Variants in ADCY1 observed in about 807,000 individuals in gnomAD.
ADCY1 encodes adenylate cyclase 1.
ADCY1 carries 28 observed loss-of-function variants against 105.4 expected under a neutral mutation model. That is an observed-to-expected ratio of 0.27 (90% CI 0.20 to 0.36). The LOEUF is 0.36. Ranked by LOEUF, ADCY1 falls within the 10% of genes least tolerant of loss-of-function variation. ADCY1 has a pLI of 1.00. For missense variants in ADCY1, 977 were observed against 1,434.2 expected (o/e 0.68, Z 5.15); for synonymous variants, 655 against 623.8 (o/e 1.05, Z -0.75).
At chr7:45,651,925 G>A (rs1794822034) in intron 5 of ADCY1, among the ~76,000 whole-genome samples, 1 of 152,190 alleles carries the variant, frequency 6.6e-6, no homozygotes, top group South Asian at 2.1e-4. Flanking sequence ...ATGTGTATTA[G>A]TCTGTTGTCA....
Position 45,686,911 on chromosome 7 carries a change from T to G in ADCY1, c.2454+238T>G, listed in dbSNP as rs1384132682. On this transcript the variant is annotated intron_variant, in intron 14 of 19. Coordinates refer to ENST00000297323, the MANE Select transcript of ADCY1 (RefSeq NM_021116.4). This position sits in a 1 kb window ranked among gnomAD's most constrained non-coding sequence, Gnocchi z 4.3. ...AGTTCAGAAGGTTGTGGGGTGCATG[T>G]TGTGGAGACCTGCCTGATGGTCAGA... Among the ~76,000 whole-genome samples, 1 of 152,116 alleles carries G rather than the reference T, an allele frequency of 6.6e-6. No homozygotes were observed. The highest frequency in any genetic ancestry group is 2.4e-5 in the African/African-American group (1 of 41,436).
chr7:45,608,195 A>C (rs568312667), intron 2 of ADCY1, among the ~76,000 whole-genome samples: 2 of 152,246 alleles, frequency 1.3e-5, no homozygotes, highest in East Asian at 3.9e-4. Flanking sequence ...TTCTCTAATG[A>C]TTAGTGATGA....
intron 7 of ADCY1, among the ~76,000 whole-genome samples, chr7:45,660,628 TC>T (rs1156724967): frequency 6.6e-6 from 1 of 152,188 alleles, no homozygotes; most frequent in Non-Finnish European, 1.5e-5. Context: ...TCAAGAGTGA[TC>T]AAGTCACTTT....
At position 45,591,612 on chromosome 7, in the gene ADCY1, G is replaced by A. The variant is rs902694770; in HGVS notation, c.640-1147G>A. ...TTCTCCAATTTTGCGAGTGACCAAG[G>A]GACACCCGTTTCATACAATACTTAC... On this transcript the variant is annotated intron_variant, in intron 1 of 19. Coordinates refer to ENST00000297323, the MANE Select transcript of ADCY1 (RefSeq NM_021116.4). This position sits in a 1 kb window ranked among gnomAD's most constrained non-coding sequence, Gnocchi z 4.1. Among the ~76,000 whole-genome samples, 2 of 152,174 alleles carry A rather than the reference G, an allele frequency of 1.3e-5. No homozygotes were observed. Among genetic ancestry groups the A allele is most frequent in the Non-Finnish European group, 2.9e-5 (2 of 68,020 alleles).
intron 12 of ADCY1, 46 bp downstream of exon 12, chr7:45,685,114 T>C (rs1360696110): frequency 6.5e-7 from 1 of 1,549,682 alleles, no homozygotes; most frequent in East Asian, 2.2e-5. Flanking sequence ...GGAGAGGGCA[T>C]GGCATGGAGG....
At position 45,703,877 on chromosome 7, in the gene ADCY1, C is replaced by A; in HGVS notation, c.2718+131C>A. On this transcript the variant is annotated intron_variant, in intron 16 of 19. Coordinates refer to ENST00000297323, the MANE Select transcript of ADCY1 (RefSeq NM_021116.4). The surrounding 1 kb of genome is among the most constrained non-coding windows in gnomAD (Gnocchi z 5.9). The stretch of plus-strand genomic sequence containing the variant: ...GAGAGAAAGCAAATCCCGGGAAGCA[C>A]AGGCATTCTGTCTCCTTTGGGATCC... 7.5e-7 allele frequency: 1 copy of A among 1,326,936 alleles called. No homozygotes were observed. Among genetic ancestry groups the A allele is most frequent in the Non-Finnish European group, 1.0e-6 (1 of 982,512 alleles). 82.2% of individuals were successfully genotyped at this position (1,326,936 alleles called of 1,614,324 possible). A position where few individuals can be genotyped will look rare whatever the true frequency, so the allele number is the denominator to read the frequency against.
chr7:45,721,595 T>G lies in ADCY1; in HGVS notation c.*7600T>G, dbSNP rs12754. On this transcript the variant is annotated 3_prime_UTR_variant, in exon 20 of 20. Transcript: ENST00000297323. ...TGAGCTATGGGAAGGCCATTGGTTG[T>G]ATTTGCTACTTTTACTTTCATCTTC... 0.19 allele frequency: 74,709 copies of G among 398,116 alleles called. 8,384 individuals are homozygous for G. The highest frequency in any genetic ancestry group is 0.38 in the African/African-American group (18,490 of 48,558). 24.7% of individuals were successfully genotyped at this position (398,116 alleles called of 1,614,324 possible).
intron 2 of ADCY1, among the ~76,000 whole-genome samples, chr7:45,607,875 T>C (rs576427476): frequency 5.3e-5 from 8 of 152,362 alleles, no homozygotes; most frequent in African/African-American, 1.7e-4. Context: ...TCATGTCTTT[T>C]ATTGTAAATA....
chr7:45,699,896 G>T (rs1001028092), intron 14 of ADCY1, among the ~76,000 whole-genome samples: 2 of 152,146 alleles, frequency 1.3e-5, no homozygotes, highest in African/African-American at 2.4e-5. Flanking sequence ...AGTGGACACC[G>T]GAGCTTCCTC....
chr7:45,702,107 T>C (rs886854775), intron 14 of ADCY1, among the ~76,000 whole-genome samples: 14 of 152,304 alleles, frequency 9.2e-5, no homozygotes, highest in Non-Finnish European at 1.8e-4. Flanking sequence ...GTCATCTCTA[T>C]CCTTAGAAAT....
At chr7:45,680,735 GT>G (rs1427714726) in intron 11 of ADCY1, 1 of 152,174 alleles carries the variant, frequency 6.6e-6, no homozygotes, top group Non-Finnish European at 1.5e-5. Flanking sequence ...TAAAACTGCT[GT>G]TTTTCATATA....
rs2293107 is a variant in ADCY1 at position 45,713,640 on chromosome 7, A to G, written c.3058-53A>G. ...GGATGGAGTGTTTTGGTCTCTTCCC[A>G]GAGGAGTCCCCCTCATTGCCCTGAA... On this transcript the variant is annotated intron_variant, in intron 19 of 19. Coordinates refer to ENST00000297323, the MANE Select transcript of ADCY1 (RefSeq NM_021116.4). 0.14 allele frequency: 106,988 copies of G among 745,346 alleles called. 8,555 individuals are homozygous for G. The highest frequency in any genetic ancestry group is 0.18 in the Middle Eastern group (743 of 4,192). 46.2% of individuals were successfully genotyped at this position (745,346 alleles called of 1,614,324 possible).
Position 45,703,272 on chromosome 7 carries a change from A to G in ADCY1, c.2455-104A>G, listed in dbSNP as rs1044628865. ...GACAGGAGCGTGGATGTAGACCATC[A>G]GCACACCTGGAGTCCAGTTTGGATG... is the stretch of plus-strand genomic sequence containing the variant. On this transcript the variant is annotated intron_variant, in intron 14 of 19. Transcript: ENST00000297323. This position sits in a 1 kb window ranked among gnomAD's most constrained non-coding sequence, Gnocchi z 5.9. The G allele has an allele frequency of 3.8e-6, 4 of 1,050,822 alleles. No individual in the cohort carries two copies. The African/African-American group carries it at 6.2e-5, about 16-fold the overall frequency. The allele number at this position is 1,050,822 out of a possible 1,614,324, so 65.1% of individuals were successfully genotyped here.
At chr7:45,610,928 TTTTG>T (rs1562687456) in intron 3 of ADCY1, among the ~76,000 whole-genome samples, 2 of 2,454 alleles carry the variant, frequency 8.1e-4, no homozygotes, top group Admixed American at 5.6e-3. Context: ...ATGGAGGTGA[TTTTG>T]GAGGTGAGGA....
chr7:45,597,313 G>A (rs991289074), intron 2 of ADCY1, among the ~76,000 whole-genome samples: 15 of 152,216 alleles, frequency 9.9e-5, no homozygotes, highest in Admixed American at 9.8e-4. Context: ...CGGCTTTCAC[G>A]CTCTTCTCCA....
Position 45,575,173 on chromosome 7 carries a change from C to T in ADCY1, c.630C>T (p.Leu210=), listed in dbSNP as rs1792297930. Residue 210 remains leucine, a synonymous_variant, in exon 1 of 20, where the codon CTC becomes CTT. Transcript: ENST00000297323. The surrounding 1 kb of genome is among the most constrained non-coding windows in gnomAD (Gnocchi z 4.7). ...ATLVPAKRPR[L]WRTLGANALL... is the part of the protein sequence containing the mutation. The stretch of plus-strand genomic sequence containing the variant: ...TGGTCCCCGCCAAGCGCCCACGTCT[C>T]TGGAGGACGGTAAGTGCAGCCGCGC... 9 of 1,601,292 alleles carry T rather than the reference C, an allele frequency of 5.6e-6. No individual in the cohort carries two copies. The highest frequency in any genetic ancestry group is 7.7e-6 in the Non-Finnish European group (9 of 1,173,868).
At chr7:45,677,247 T>G (rs959224006) in intron 8 of ADCY1, among the ~76,000 whole-genome samples, 3 of 152,236 alleles carry the variant, frequency 2.0e-5, no homozygotes, top group African/African-American at 7.2e-5. Context: ...TTTAATATTC[T>G]TATTTTCTTC....
chr7:45,704,714 G>A lies in ADCY1; in HGVS notation c.2817+98G>A. ...GTAGCTTCCACACTGGGGTTTGTTTGCCCTCTGTGTTGGATTACAGGAGCA... is the reference window on the plus strand; with the variant it reads ...GTAGCTTCCACACTGGGGTTTGTTTACCCTCTGTGTTGGATTACAGGAGCA... On this transcript the variant is annotated intron_variant, in intron 17 of 19. Coordinates refer to ENST00000297323, the MANE Select transcript of ADCY1 (RefSeq NM_021116.4). 8.4e-6 allele frequency: 8 copies of A among 954,008 alleles called. No individual in the cohort carries two copies. In the South Asian group the frequency reaches 1.2e-4, roughly 14 times the overall value. The allele number at this position is 954,008 out of a possible 1,614,324, so 59.1% of individuals were successfully genotyped here. A position where few individuals can be genotyped will look rare whatever the true frequency, so the allele number is the denominator to read the frequency against.
intron 8 of ADCY1, among the ~76,000 whole-genome samples, chr7:45,668,746 A>AATCC (rs1311176959): frequency 6.6e-6 from 1 of 152,206 alleles, no homozygotes; most frequent in Non-Finnish European, 1.5e-5. Context: ...TTCGGTTGTG[A>AATCC]ATCCGTCTAG....
Sources: allele counts gnomAD v4.1 joint callset (sites outside exome capture counted in the v4.1 genomes callset), GRCh38; gene constraint gnomAD v4.1.1; non-coding constraint Gnocchi (gnomAD v3.1); transcripts MANE v1.5; gene names NCBI Gene and HGNC (gene_info 2026-07-23, HGNC 2026-07-21).